The following THAP3 variants were observed in gnomAD, a reference collection of about 807,000 sequenced individuals.
THAP3 encodes THAP domain containing 3, also known as THAP domain-containing protein 3.
In THAP3, 12 loss-of-function variants were observed where a neutral mutation model predicts 17.7. The observed-to-expected ratio is 0.68, with a 90% CI of 0.43 to 1.10. The LOEUF is 1.10. Among genes scored for constraint, THAP3 ranks in the 50% least tolerant of loss-of-function variants. THAP3 has a pLI of 0.00. For missense variants in THAP3, 289 were observed against 318.0 expected (o/e 0.91, Z 0.69); for synonymous variants, 133 against 126.9 (o/e 1.05, Z -0.32).
At chr1:6,631,363 C>A (rs191022183) in intron 4 of THAP3, among the ~76,000 whole-genome samples, 3 of 152,232 alleles carry the variant, frequency 2.0e-5, no homozygotes, top group Admixed American at 6.5e-5. Flanking sequence ...CGAGGTGGCT[C>A]ACGCTTATAA....
At position 6,626,302 on chromosome 1, in the gene THAP3, C is replaced by G. The variant is rs573187829; in HGVS notation, c.74+1010C>G. Among the ~76,000 whole-genome samples the G allele has an allele frequency of 4.6e-5, 7 of 152,126 alleles. No individual in the cohort carries two copies. In the East Asian group the frequency reaches 7.7e-4, roughly 17 times the overall value. On this transcript the variant is annotated intron_variant, in intron 2 of 5. Transcript: ENST00000054650. ...CAGCCTGGGTGACAGAGCGATACCT[C>G]ATCTCAAAATAAGAAATAAAACATC...
intron 4 of THAP3, among the ~76,000 whole-genome samples, chr1:6,630,937 G>A (rs564931541): frequency 1.3e-5 from 2 of 151,054 alleles, no homozygotes; most frequent in Admixed American, 6.6e-5. Flanking sequence ...TCAAACTACC[G>A]GGCTCAAGCC....
intron 3 of THAP3, chr1:6,629,711 C>T (rs560783912): frequency 6.5e-6 from 1 of 153,690 alleles, no homozygotes; most frequent in African/African-American, 2.4e-5. Flanking sequence ...CCTGGCACAG[C>T]CCAGGTGCTC....
Position 6,624,943 on chromosome 1 carries a change from T to C in THAP3, c.-81T>C, listed in dbSNP as rs369041352. On this transcript the variant is annotated 5_prime_UTR_variant, in exon 1 of 6. Coordinates refer to ENST00000054650, the MANE Select transcript of THAP3 (RefSeq NM_001195753.2). ...GCAAGGAGGTGAAAGGCGACCAGCA[T>C]TGGCGAATGGGGTAAGACTTGCACA... 33 of 488,424 alleles carry C rather than the reference T, an allele frequency of 6.8e-5. No individual in the cohort carries two copies. The highest frequency in any genetic ancestry group is 6.5e-4 in the African/African-American group (31 of 47,906). The allele number at this position is 488,424 out of a possible 1,614,324, so 30.3% of individuals were successfully genotyped here. A position where few individuals can be genotyped will look rare whatever the true frequency, so the allele number is the denominator to read the frequency against.
chr1:6,633,327 A>AT lies in THAP3; in HGVS notation c.*250_*251insT. On this transcript the variant is annotated 3_prime_UTR_variant, in exon 6 of 6. Coordinates refer to ENST00000054650, the MANE Select transcript of THAP3 (RefSeq NM_001195753.2). The stretch of plus-strand genomic sequence containing the variant: ...CAAGCTTATCCTCCCATGGTAACAG[A>AT]AGTCCAGGCTGAGGCTGATTCTGGA... The AT allele has an allele frequency of 7.2e-7, 1 of 1,383,394 alleles. No homozygotes were observed. The highest frequency in any genetic ancestry group is 3.0e-5 in the Admixed American group (1 of 33,276). 85.7% of individuals were successfully genotyped at this position (1,383,394 alleles called of 1,614,324 possible).
chr1:6,626,236 G>A (rs564361190), intron 2 of THAP3, among the ~76,000 whole-genome samples: 2 of 152,218 alleles, frequency 1.3e-5, no homozygotes, highest in African/African-American at 4.8e-5. Flanking sequence ...CTTGAACCCA[G>A]CTTCGAGGCT....
At chr1:6,633,944 C>CT (rs1553125852), downstream of THAP3, 8 of 1,350,782 alleles carry the variant, frequency 5.9e-6, no homozygotes, top group Non-Finnish European at 7.2e-6. Flanking sequence ...CCTATTTTGT[C>CT]TAATTTATAG....
chr1:6,632,868 C>T lies in THAP3; in HGVS notation c.511C>T (p.Pro171Ser). 1 of 1,612,960 alleles carries T rather than the reference C, an allele frequency of 6.2e-7. No homozygotes were observed. The highest frequency in any genetic ancestry group is 1.3e-5 in the African/African-American group (1 of 75,072). Residue 171 changes from proline to serine, a missense_variant, in exon 6 of 6, where the codon CCC (proline) becomes TCC (serine). Physicochemically the swap from Pro to Ser is moderately conservative, Grantham distance 74 (BLOSUM62 -1). Coordinates refer to ENST00000054650, the MANE Select transcript of THAP3 (RefSeq NM_001195753.2). ...PTGPAGLRRT[P>S]NKQPSDHSYA... ...TGGCCCTGCAGGCCTGAGAAGGACC[C>T]CCAACAAGCAGCCATCTGATCACAG...
chr1:6,633,523 C>T lies in THAP3; in HGVS notation c.*446C>T. ...TTCTAAGGAGTGACTCCTGTCCCGG[C>T]CTGGTGTGAGTGGGCAGTGTAATAA... On this transcript the variant is annotated 3_prime_UTR_variant, in exon 6 of 6. Transcript: ENST00000054650. The T allele has an allele frequency of 9.1e-7, 1 of 1,098,654 alleles. No individual in the cohort carries two copies. The highest frequency in any genetic ancestry group is 1.1e-6 in the Non-Finnish European group (1 of 898,356). 68.1% of individuals were successfully genotyped at this position (1,098,654 alleles called of 1,614,324 possible).
chr1:6,630,712 A>G (rs1235583917), intron 4 of THAP3, among the ~76,000 whole-genome samples: 7 of 152,108 alleles, frequency 4.6e-5, no homozygotes, highest in Admixed American at 4.6e-4. Context: ...CTGGGATTAC[A>G]GATGCCCGCT....
chr1:6,634,841 A>C, downstream of THAP3: 8 of 1,238,390 alleles, frequency 6.5e-6, no homozygotes, highest in South Asian at 1.1e-4. Context: ...GGTGTGTCTG[A>C]TGTCTTGCCA....
chr1:6,631,316 C>T (rs1641608099), intron 4 of THAP3, among the ~76,000 whole-genome samples: 2 of 152,062 alleles, frequency 1.3e-5, no homozygotes, highest in African/African-American at 2.4e-5. Flanking sequence ...CGCACCTGGC[C>T]GTGCCTGATT....
At chr1:6,629,589 C>CCCCTGCT (rs1421448959) in intron 3 of THAP3, 1 of 152,820 alleles carries the variant, frequency 6.5e-6, no homozygotes, top group African/African-American at 2.4e-5. Flanking sequence ...GCCCCTGTGG[C>CCCCTGCT]CCCTGCTGTC....
intron 2 of THAP3, among the ~76,000 whole-genome samples, chr1:6,627,227 C>T (rs1036262579): frequency 3.3e-5 from 5 of 152,176 alleles, no homozygotes; most frequent in African/African-American, 1.2e-4. Context: ...CACTTGCTCC[C>T]CAGGGGCCCA....
chr1:6,629,030 C>A (rs1468349704), intron 3 of THAP3, among the ~76,000 whole-genome samples: 1 of 152,206 alleles, frequency 6.6e-6, no homozygotes, highest in Non-Finnish European at 1.5e-5. Context: ...GTTGAAACCC[C>A]ATTTCTACTA....
chr1:6,625,094 C>A (rs912878370), intron 1 of THAP3, 56 bp from the exon 2 acceptor site: 2 of 1,122,228 alleles, frequency 1.8e-6, no homozygotes, highest in Non-Finnish European at 2.5e-6. Flanking sequence ...ATGAGCGCGC[C>A]CTGGAGGCGA....
At chr1:6,634,644 G>T, downstream of THAP3, 1 of 1,366,518 alleles carries the variant, frequency 7.3e-7, no homozygotes. Flanking sequence ...GGTCCAGGCC[G>T]TGGAGGGGGT....
intron 3 of THAP3, among the ~76,000 whole-genome samples, 176 bp downstream of exon 3, chr1:6,628,867 C>T (rs956038777): frequency 6.6e-6 from 1 of 152,148 alleles, no homozygotes; most frequent in African/African-American, 2.4e-5. Context: ...GCCATGACCT[C>T]GGCTTTAAGA....
intron 2 of THAP3, among the ~76,000 whole-genome samples, chr1:6,625,780 G>T (rs1282857253): frequency 6.6e-6 from 1 of 151,900 alleles, no homozygotes; most frequent in African/African-American, 2.4e-5. Flanking sequence ...AGGAGCAATC[G>T]TCATTAGTCA....
Sources: allele counts gnomAD v4.1 joint callset (sites outside exome capture counted in the v4.1 genomes callset), GRCh38; gene constraint gnomAD v4.1.1; transcripts MANE v1.5; gene names NCBI Gene and HGNC (gene_info 2026-07-23, HGNC 2026-07-21).